Variants in RPGRIP1 observed in about 807,000 individuals in gnomAD.
RPGRIP1 encodes the protein RPGR interacting protein 1.
In RPGRIP1, 128 loss-of-function variants were observed where a neutral mutation model predicts 157.9. The ratio of observed to expected loss-of-function variants is 0.81; its 90% CI spans 0.70 to 0.94. The LOEUF is 0.94. Ranked by LOEUF, RPGRIP1 falls within the 40% of genes least tolerant of loss-of-function variation. The probability of loss-of-function intolerance (pLI) is 0.00; values close to 1 mark genes in which losing one functional copy is unlikely to be tolerated. For synonymous variants in RPGRIP1, 554 were observed against 571.6 expected (o/e 0.97, Z 0.44); for missense variants, 1,486 against 1,545.8 (o/e 0.96, Z 0.65).
At chr14:21,309,008 G>T (rs938961284) in intron 7 of RPGRIP1, among the ~76,000 whole-genome samples, 4 of 152,192 alleles carry the variant, frequency 2.6e-5, no homozygotes, top group Non-Finnish European at 5.9e-5. Context: ...ACAAGGGCGG[G>T]AATCGCCATG....
At chr14:21,283,891 A>T (rs1390026276) in intron 1 of RPGRIP1, among the ~76,000 whole-genome samples, 1 of 152,122 alleles carries the variant, frequency 6.6e-6, no homozygotes, top group Non-Finnish European at 1.5e-5. Context: ...TCAGCCTCCC[A>T]AAGTGTTGGG....
chr14:21,324,335 A>G, intron 14 of RPGRIP1: 2 of 488,172 alleles, frequency 4.1e-6, no homozygotes, highest in East Asian at 3.8e-5. Context: ...AATGTCATAT[A>G]TAAGATAAAA....
At chr14:21,286,365 T>C (rs1158282532) in intron 1 of RPGRIP1, among the ~76,000 whole-genome samples, 1 of 151,344 alleles carries the variant, frequency 6.6e-6, no homozygotes, top group Non-Finnish European at 1.5e-5. Context: ...AGCTGCAGGA[T>C]TGGTAGGACG....
intron 21 of RPGRIP1, among the ~76,000 whole-genome samples, chr14:21,340,402 C>A (rs921274278): frequency 6.6e-6 from 1 of 152,188 alleles, no homozygotes; most frequent in African/African-American, 2.4e-5. Context: ...CGCCTGTAGT[C>A]CCAACACTTT....
chr14:21,284,954 CTT>C lies in RPGRIP1; in HGVS notation c.-38-2984_-38-2983del, dbSNP rs1340784308. 4.6e-5 allele frequency among the ~76,000 whole-genome samples: 7 copies of C among 152,170 alleles called. No individual in the cohort carries two copies. In the East Asian group the frequency reaches 1.3e-3, roughly 29 times the overall value. On this transcript the variant is annotated intron_variant, in intron 1 of 24. Transcript: ENST00000400017. Reference sequence around the variant, plus strand: ...TCAGTCCCTCAGTGTCATTCTCTCTCTTGTTCGTTCATTCTACTTTTCATACA... The same window carrying C: ...TCAGTCCCTCAGTGTCATTCTCTCTCGTTCGTTCATTCTACTTTTCATACA...
intron 2 of RPGRIP1, among the ~76,000 whole-genome samples, chr14:21,293,237 A>G (rs1230301868): frequency 1.3e-5 from 2 of 152,204 alleles, no homozygotes; most frequent in African/African-American, 2.4e-5. Flanking sequence ...AACACTCACA[A>G]TGAAAAGTGT....
chr14:21,315,685 A>G (rs1359470777), intron 10 of RPGRIP1, among the ~76,000 whole-genome samples: 3 of 152,000 alleles, frequency 2.0e-5, no homozygotes, highest in Non-Finnish European at 4.4e-5. Context: ...AGACATTACT[A>G]TTTGCCTCTC....
At chr14:21,320,595 CTTTT>C (rs34911429) in intron 12 of RPGRIP1, among the ~76,000 whole-genome samples, 2 of 95,170 alleles carry the variant, frequency 2.1e-5, no homozygotes, top group Non-Finnish European at 2.0e-5. Context: ...CCGGCCCACT[CTTTT>C]TTTTTTTTTT....
intron 17 of RPGRIP1, among the ~76,000 whole-genome samples, chr14:21,326,436 C>T (rs182762056): frequency 6.6e-6 from 1 of 152,316 alleles, no homozygotes; most frequent in East Asian, 1.9e-4. Context: ...TTCTATACCT[C>T]TGTATCTGAA....
intron 12 of RPGRIP1, among the ~76,000 whole-genome samples, chr14:21,320,467 A>G (rs1169047461): frequency 6.7e-6 from 1 of 149,492 alleles, no homozygotes; most frequent in East Asian, 2.0e-4. Flanking sequence ...ATTTTTTTGT[A>G]TTTTTAGTAG....
chr14:21,336,211 C>T (rs1452292282), intron 21 of RPGRIP1, among the ~76,000 whole-genome samples: 1 of 152,124 alleles, frequency 6.6e-6, no homozygotes. Context: ...AACTCAAAGT[C>T]AGTAGACTTA....
intron 19 of RPGRIP1, among the ~76,000 whole-genome samples, chr14:21,328,830 G>A (rs1461175324): frequency 6.6e-6 from 1 of 151,826 alleles, no homozygotes; most frequent in Non-Finnish European, 1.5e-5. Flanking sequence ...CCAACACGGT[G>A]AACTCCTATC....
At chr14:21,349,706 A>G (rs571864552) in intron 24 of RPGRIP1, among the ~76,000 whole-genome samples, 5 of 152,202 alleles carry the variant, frequency 3.3e-5, no homozygotes, top group African/African-American at 1.2e-4. Context: ...GCCCAGCCAT[A>G]TAATTTCTAA....
intron 21 of RPGRIP1, among the ~76,000 whole-genome samples, chr14:21,342,085 G>T (rs1473339956): frequency 1.3e-5 from 2 of 152,018 alleles, no homozygotes; most frequent in South Asian, 2.1e-4. Flanking sequence ...CCTGTGGGAG[G>T]GCAGGGTGGT....
intron 23 of RPGRIP1, among the ~76,000 whole-genome samples, chr14:21,347,188 A>G (rs1233487910): frequency 1.3e-5 from 2 of 152,226 alleles, no homozygotes; most frequent in Non-Finnish European, 2.9e-5. Flanking sequence ...AGTATGGTCT[A>G]GCAGACAGAG....
chr14:21,328,319 A>G (rs1238836453), intron 18 of RPGRIP1, 105 bp from the exon 19 acceptor site: 4 of 793,190 alleles, frequency 5.0e-6, no homozygotes, highest in African/African-American at 3.5e-5. Flanking sequence ...TCTCAGCTCC[A>G]TGAGGAGAGA....
chr14:21,287,906 C>T, intron 1 of RPGRIP1, 33 bp from the exon 2 acceptor site: 1 of 967,296 alleles, frequency 1.0e-6, no homozygotes, highest in South Asian at 1.4e-5. Context: ...CCTAAAGTTG[C>T]ATGTAACTGA....
chr14:21,328,602 A>C lies in RPGRIP1; in HGVS notation c.3074A>C (p.Asn1025Thr). 1 of 1,613,452 alleles carries C rather than the reference A, an allele frequency of 6.2e-7. No homozygotes were observed. Among genetic ancestry groups the C allele is most frequent in the Non-Finnish European group, 8.5e-7 (1 of 1,179,424 alleles). ...AATAGAATGGAGTATCTTAGCCTTA[A>C]CATCTTAAATGGAAATACACCAGAG... The part of the protein sequence containing the change: ...GKNRMEYLSL[N>T]ILNGNTPEQV... Residue 1025 changes from asparagine to threonine, a missense_variant, in exon 19 of 25, where the codon AAC (asparagine) becomes ACC (threonine). Transcript: ENST00000400017.
intron 3 of RPGRIP1, among the ~76,000 whole-genome samples, chr14:21,300,369 G>A (rs958201706): frequency 2.6e-5 from 4 of 151,500 alleles, no homozygotes; most frequent in East Asian, 3.9e-4. Flanking sequence ...GGGGGTTAAG[G>A]CTTCAACATA....
Sources: gnomAD v4.1 joint callset for allele counts (sites outside exome capture counted in the v4.1 genomes callset) on GRCh38, gnomAD v4.1.1 for gene constraint, MANE v1.5 for transcripts, NCBI Gene and HGNC (gene_info 2026-07-23, HGNC 2026-07-21) for gene names.